The following KPNA4 variants were observed in gnomAD, a reference collection of about 807,000 sequenced individuals.
KPNA4 encodes karyopherin subunit alpha 4.
Under a neutral mutation model 71.3 loss-of-function variants are expected in KPNA4, and 13 were observed. That is an observed-to-expected ratio of 0.18 (90% CI 0.12 to 0.29). The LOEUF (loss-of-function observed/expected upper bound fraction) is 0.29. Ranked by LOEUF, KPNA4 falls within the 10% of genes least tolerant of loss-of-function variation. KPNA4 has a pLI of 1.00. For synonymous variants in KPNA4, 189 were observed against 195.2 expected, an observed-to-expected ratio of 0.97 and a Z score of 0.26; for missense variants, 334 against 603.2, an observed-to-expected ratio of 0.55 and a Z score of 4.67.
chr3:160,557,447 A>G (rs1283118519), intron 1 of KPNA4, among the ~76,000 whole-genome samples: 3 of 152,258 alleles, frequency 2.0e-5, no homozygotes, highest in African/African-American at 7.2e-5. Flanking sequence ...ACCTTCTAAT[A>G]TTAGACAATA....
intron 1 of KPNA4, among the ~76,000 whole-genome samples, chr3:160,556,074 C>A (rs4434183): frequency 6.6e-6 from 1 of 152,108 alleles, no homozygotes; most frequent in African/African-American, 2.4e-5. Flanking sequence ...TCAGGTGATC[C>A]GGCCCGCCTT....
intron 11 of KPNA4, among the ~76,000 whole-genome samples, chr3:160,517,286 C>G (rs1030145236): frequency 1.2e-4 from 19 of 152,178 alleles, no homozygotes; most frequent in African/African-American, 4.6e-4. Flanking sequence ...TTACAGCATG[C>G]ATCAATACTT....
At chr3:160,551,602 G>A (rs1206230538) in intron 1 of KPNA4, among the ~76,000 whole-genome samples, 2 of 152,048 alleles carry the variant, frequency 1.3e-5, no homozygotes, top group African/African-American at 4.8e-5. Context: ...AGTCAGAGAT[G>A]AAGTTAGTTG....
intron 12 of KPNA4, among the ~76,000 whole-genome samples, chr3:160,514,670 A>G (rs1214533215): frequency 3.3e-5 from 5 of 152,222 alleles, no homozygotes; most frequent in Admixed American, 2.0e-4. Context: ...AACAAAGTGC[A>G]TTGTTTTAGT....
intron 1 of KPNA4, among the ~76,000 whole-genome samples, chr3:160,538,292 G>A (rs1023207585): frequency 2.6e-5 from 4 of 151,936 alleles, no homozygotes; most frequent in African/African-American, 9.7e-5. Flanking sequence ...CACATTAAAT[G>A]GGATCTAGCA....
At chr3:160,534,296 C>T (rs1026427929) in intron 5 of KPNA4, among the ~76,000 whole-genome samples, 1 of 152,116 alleles carries the variant, frequency 6.6e-6, no homozygotes, top group Non-Finnish European at 1.5e-5. Context: ...CATAAATATA[C>T]AAAGCAACCA....
Position 160,563,931 on chromosome 3 carries a change from T to G in KPNA4, c.69+1283A>C, listed in dbSNP as rs188999356. On this transcript the variant is annotated intron_variant, in intron 1 of 16. Transcript: ENST00000334256. Reference sequence around the variant, plus strand: ...ATGAAACCCACTAAAACGCTTGAACTACTTTAAAGATAATATTAACAGCTT... The same window carrying G: ...ATGAAACCCACTAAAACGCTTGAACGACTTTAAAGATAATATTAACAGCTT... 3.0e-4 allele frequency among the ~76,000 whole-genome samples: 45 copies of G among 152,246 alleles called. No homozygotes were observed. In the East Asian group the frequency reaches 6.4e-3, roughly 22 times the overall value.
Position 160,517,836 on chromosome 3 carries a change from T to TC in KPNA4, c.904-2257_904-2256insG, listed in dbSNP as rs111342639. Among the ~76,000 whole-genome samples, 273 of 152,328 alleles carry TC rather than the reference T, an allele frequency of 1.8e-3. 7 individuals carry two copies. Among genetic ancestry groups the TC allele is most frequent in the African/African-American group, 6.1e-3 (253 of 41,566 alleles). On this transcript the variant is annotated intron_variant, in intron 11 of 16. Coordinates refer to ENST00000334256, the MANE Select transcript of KPNA4 (RefSeq NM_002268.5). ...CTATTTTTGAGTAGTAACAGTTCTTTATACATTAAATATTTTAGATGTAAA... is the reference window on the plus strand; with the variant it reads ...CTATTTTTGAGTAGTAACAGTTCTTTCATACATTAAATATTTTAGATGTAAA...
At chr3:160,530,134 C>CAAAAAAAA (rs746257397) in intron 7 of KPNA4, among the ~76,000 whole-genome samples, 4 of 38,526 alleles carry the variant, frequency 1.0e-4, no homozygotes, top group Non-Finnish European at 1.8e-4. Flanking sequence ...GACTCCATCT[C>CAAAAAAAA]AAAAAAAAAA....
At chr3:160,553,946 G>C (rs1444974856) in intron 1 of KPNA4, among the ~76,000 whole-genome samples, 1 of 152,226 alleles carries the variant, frequency 6.6e-6, no homozygotes, top group Non-Finnish European at 1.5e-5. Flanking sequence ...GGCTGACTGA[G>C]AGATCTTACA....
intron 1 of KPNA4, among the ~76,000 whole-genome samples, chr3:160,561,226 T>G (rs1378693551): frequency 1.3e-5 from 2 of 152,042 alleles, no homozygotes; most frequent in African/African-American, 4.8e-5. Flanking sequence ...ACCTAGACAC[T>G]CAGAACTTTC....
At chr3:160,510,059 C>A (rs935489561) in intron 13 of KPNA4, among the ~76,000 whole-genome samples, 188 bp from the exon 14 acceptor site, 2 of 152,086 alleles carry the variant, frequency 1.3e-5, no homozygotes, top group Admixed American at 6.6e-5. Flanking sequence ...CATGGAGACA[C>A]CTTTCTGTGA....
At chr3:160,512,405 A>T (rs1406408409) in intron 13 of KPNA4, among the ~76,000 whole-genome samples, 1 of 152,220 alleles carries the variant, frequency 6.6e-6, no homozygotes, top group African/African-American at 2.4e-5. Context: ...TTAAAAATTC[A>T]TAATTTCCAA....
intron 1 of KPNA4, among the ~76,000 whole-genome samples, chr3:160,563,005 G>A (rs1722275880): frequency 6.6e-6 from 1 of 152,118 alleles, no homozygotes; most frequent in South Asian, 2.1e-4. Flanking sequence ...GTTTCCATAT[G>A]ATCTAGCAAT....
chr3:160,521,814 C>T lies in KPNA4; in HGVS notation c.868G>A (p.Val290Ile). The T allele has an allele frequency of 6.2e-7, 1 of 1,612,438 alleles. No homozygotes were observed. Among genetic ancestry groups the T allele is most frequent in the Non-Finnish European group, 8.5e-7 (1 of 1,179,938 alleles). Residue 290 changes from valine to isoleucine, a missense_variant, in exon 11 of 17, where the codon GTT becomes ATT. Physicochemically the swap from Val to Ile is conservative, Grantham distance 29. Coordinates refer to ENST00000334256, the MANE Select transcript of KPNA4 (RefSeq NM_002268.5). ...ACTTCCTGGTGGCTGAGCAGAGGAA[C>T]CAAATGAGGAACTATTCCAGAGTCT... Reference protein sequence around the residue: ...VIDSGIVPHLVPLLSHQEVKV... With the variant: ...VIDSGIVPHLIPLLSHQEVKV...
chr3:160,513,950 C>A (rs1721152631), intron 13 of KPNA4, 127 bp downstream of exon 13: 7 of 390,800 alleles, frequency 1.8e-5, no homozygotes, highest in South Asian at 4.6e-5. Flanking sequence ...GTTAATATTA[C>A]TTTACTATAT....
chr3:160,502,753 A>G (rs1720909123), intron 16 of KPNA4, among the ~76,000 whole-genome samples: 1 of 152,188 alleles, frequency 6.6e-6, no homozygotes, highest in Non-Finnish European at 1.5e-5. Context: ...AAGGAACAGT[A>G]ATGATGGCCC....
At chr3:160,519,521 G>A (rs139611477) in intron 11 of KPNA4, among the ~76,000 whole-genome samples, 10 of 152,166 alleles carry the variant, frequency 6.6e-5, no homozygotes, top group East Asian at 1.9e-4. Flanking sequence ...GCGGCCGGGC[G>A]CGGTGGCTCA....
Position 160,565,500 on chromosome 3 carries a change from C to A in KPNA4, c.-218G>T. ...AGCGCGACTGCAGCTCCGGCAAAGACAACTGTGGGGCCGGGCGGCGGCAAG... is the reference window on the plus strand; with the variant it reads ...AGCGCGACTGCAGCTCCGGCAAAGAAAACTGTGGGGCCGGGCGGCGGCAAG... On this transcript the variant is annotated 5_prime_UTR_variant, in exon 1 of 17. Coordinates refer to ENST00000334256, the MANE Select transcript of KPNA4 (RefSeq NM_002268.5). The A allele has an allele frequency of 1.8e-6, 1 of 552,538 alleles. No individual in the cohort carries two copies. The highest frequency in any genetic ancestry group is 3.3e-5 in the East Asian group (1 of 30,680). The allele number at this position is 552,538 out of a possible 1,614,324, so 34.2% of individuals were successfully genotyped here.
Sources: gnomAD v4.1 joint callset for allele counts (sites outside exome capture counted in the v4.1 genomes callset) on GRCh38, gnomAD v4.1.1 for gene constraint, MANE v1.5 for transcripts, NCBI Gene and HGNC (gene_info 2026-07-23, HGNC 2026-07-21) for gene names.